GRIN2A: variants seen among roughly 807,000 people sequenced by gnomAD.
The protein encoded by GRIN2A is glutamate ionotropic receptor NMDA type subunit 2A, also known as glutamate receptor ionotropic, NMDA 2A.
Under a neutral mutation model 113.4 loss-of-function variants are expected in GRIN2A, and 22 were observed. The ratio of observed to expected loss-of-function variants is 0.19; its 90% CI spans 0.14 to 0.28. The LOEUF (loss-of-function observed/expected upper bound fraction) is 0.28. Ranked by LOEUF, GRIN2A falls within the 10% of genes least tolerant of loss-of-function variation. The probability of loss-of-function intolerance (pLI) is 1.00; values close to 1 mark genes in which losing one functional copy is unlikely to be tolerated. For synonymous variants in GRIN2A, 827 were observed against 738.4 expected (o/e 1.12, Z -1.94); for missense variants, 1,502 against 1,887.0 (o/e 0.80, Z 3.78).
At chr16:9,839,943 G>A (rs2042644362) in intron 7 of GRIN2A, among the ~76,000 whole-genome samples, 1 of 152,184 alleles carries the variant, frequency 6.6e-6, no homozygotes, top group Non-Finnish European at 1.5e-5. Context: ...TGGCCAACAT[G>A]GCGAAACCCC....
chr16:9,786,534 T>C (rs1266739566), intron 11 of GRIN2A, among the ~76,000 whole-genome samples: 1 of 152,168 alleles, frequency 6.6e-6, no homozygotes, highest in South Asian at 2.1e-4. Context: ...GCTGTTTCAT[T>C]AGTAAAAGAG....
chr16:9,768,972 G>A lies in GRIN2A; in HGVS notation c.2474C>T (p.Ala825Val). ...DNMAGVFYML[A>V]AAMALSLITF... ...GATGAGGCTAAGGGCCATGGCGGCA[G>A]CCAGCATGTAGAATACGCCCGCCAT... Residue 825 changes from alanine (A) to valine (V), a missense_variant, in exon 12 of 13, where the codon GCT (alanine) becomes GTT (valine). Coordinates refer to ENST00000330684, the MANE Select transcript of GRIN2A (RefSeq NM_001134407.3). The A allele has an allele frequency of 6.2e-7, 1 of 1,614,106 alleles. No homozygotes were observed. The highest frequency in any genetic ancestry group is 8.5e-7 in the Non-Finnish European group (1 of 1,179,948).
chr16:9,802,514 G>A (rs1235179958), intron 10 of GRIN2A, among the ~76,000 whole-genome samples: 1 of 152,156 alleles, frequency 6.6e-6, no homozygotes, highest in African/African-American at 2.4e-5. Context: ...GCCATTGTCT[G>A]CAAGATGTTT....
At chr16:9,988,542 ATCTCTC>A (rs140580698) in intron 2 of GRIN2A, among the ~76,000 whole-genome samples, 2 of 148,718 alleles carry the variant, frequency 1.3e-5, no homozygotes, top group Non-Finnish European at 3.0e-5. Context: ...GTACCAATTA[ATCTCTC>A]TCTCTCTCTC....
chr16:10,031,401 T>C (rs2046926404), intron 2 of GRIN2A: 1 of 152,272 alleles, frequency 6.6e-6, no homozygotes, highest in Non-Finnish European at 1.5e-5. Flanking sequence ...CTCTAGTCTC[T>C]CGCCCTGCTT....
At chr16:9,924,587 A>G (rs1375806933) in intron 3 of GRIN2A, among the ~76,000 whole-genome samples, 1 of 152,208 alleles carries the variant, frequency 6.6e-6, no homozygotes, top group African/African-American at 2.4e-5. Flanking sequence ...GAGGGTTTAT[A>G]GTTTTCATTA....
At chr16:10,000,134 A>G (rs1475852459) in intron 2 of GRIN2A, among the ~76,000 whole-genome samples, 1 of 152,130 alleles carries the variant, frequency 6.6e-6, no homozygotes, top group Non-Finnish European at 1.5e-5. Context: ...GTATTATTAC[A>G]CTGGGTTGAC....
At chr16:9,924,267 T>A (rs1321358593) in intron 3 of GRIN2A, among the ~76,000 whole-genome samples, 1 of 152,226 alleles carries the variant, frequency 6.6e-6, no homozygotes, top group East Asian at 1.9e-4. Flanking sequence ...TTTTTTGTAA[T>A]GCAGATCTGC....
At chr16:10,122,101 G>C (rs1261787182) in intron 2 of GRIN2A, among the ~76,000 whole-genome samples, 1 of 152,174 alleles carries the variant, frequency 6.6e-6, no homozygotes, top group East Asian at 1.9e-4. Flanking sequence ...TACCAGCTGT[G>C]AAACTGGTAA....
intron 3 of GRIN2A, among the ~76,000 whole-genome samples, chr16:9,892,806 T>A (rs2043721887): frequency 6.6e-6 from 1 of 151,934 alleles, no homozygotes; most frequent in South Asian, 2.1e-4. Context: ...TGAGACAACA[T>A]GGTGGTGGCC....
At position 9,927,697 on chromosome 16, in the gene GRIN2A, C is replaced by T. The variant is rs533985408; in HGVS notation, c.1007+10262G>A. Among the ~76,000 whole-genome samples the T allele has an allele frequency of 2.6e-5, 4 of 152,302 alleles. No homozygotes were observed. The East Asian group carries it at 7.7e-4, about 29-fold the overall frequency. The stretch of plus-strand genomic sequence containing the variant: ...AAGTCAATACATGGTAGGTCTTACC[C>T]TTAGAGTACTTTCACGTTTAAAAAT... On this transcript the variant is annotated intron_variant, in intron 3 of 12. Transcript: ENST00000330684.
chr16:10,105,907 C>T (rs938123142), intron 2 of GRIN2A, among the ~76,000 whole-genome samples: 4 of 151,932 alleles, frequency 2.6e-5, no homozygotes, highest in African/African-American at 7.3e-5. Flanking sequence ...ACTCTATCTC[C>T]AAAAATAATA....
chr16:10,079,855 A>G (rs972567320), intron 2 of GRIN2A, among the ~76,000 whole-genome samples: 3 of 152,240 alleles, frequency 2.0e-5, no homozygotes, highest in African/African-American at 7.2e-5. Flanking sequence ...GGTTGCTATG[A>G]TAACGCAATG....
At chr16:9,864,492 T>G (rs2043127941) in intron 4 of GRIN2A, among the ~76,000 whole-genome samples, 1 of 152,130 alleles carries the variant, frequency 6.6e-6, no homozygotes, top group South Asian at 2.1e-4. Flanking sequence ...TGTAACAGTT[T>G]ATAAAAGGAG....
chr16:10,040,153 G>T (rs984328898), intron 2 of GRIN2A, among the ~76,000 whole-genome samples: 12 of 10,566 alleles, frequency 1.1e-3, no homozygotes, highest in Admixed American at 8.3e-3. Context: ...ATACACACTC[G>T]CAACTTCACT....
chr16:10,147,260 C>A (rs16957046), intron 2 of GRIN2A, among the ~76,000 whole-genome samples: 1 of 151,816 alleles, frequency 6.6e-6, no homozygotes, highest in Non-Finnish European at 1.5e-5. Flanking sequence ...TGGCCCATAA[C>A]GTCACGTTCA....
chr16:9,774,932 G>A (rs1479329354), intron 11 of GRIN2A, among the ~76,000 whole-genome samples: 1 of 152,158 alleles, frequency 6.6e-6, no homozygotes, highest in South Asian at 2.1e-4. Context: ...CAGGGAGAAG[G>A]TTCAGCTCTC....
At chr16:10,047,688 C>A (rs2047284461) in intron 2 of GRIN2A, among the ~76,000 whole-genome samples, 2 of 152,290 alleles carry the variant, frequency 1.3e-5, no homozygotes, top group South Asian at 4.1e-4. Flanking sequence ...GAATATTGGA[C>A]CCCACATTGC....
chr16:10,140,007 T>C (rs1200261560), intron 2 of GRIN2A, among the ~76,000 whole-genome samples: 1 of 152,172 alleles, frequency 6.6e-6, no homozygotes. Flanking sequence ...TAGGAATCTA[T>C]AGCCCTGCTG....
Sources: allele counts gnomAD v4.1 joint callset (sites outside exome capture counted in the v4.1 genomes callset), GRCh38; gene constraint gnomAD v4.1.1; transcripts MANE v1.5; gene names NCBI Gene and HGNC (gene_info 2026-07-23, HGNC 2026-07-21).